The following RAP1GAP2 variants were observed in gnomAD, a reference collection of about 807,000 sequenced individuals.
The protein encoded by RAP1GAP2 is RAP1 GTPase activating protein 2, also known as rap1 GTPase-activating protein 2.
RAP1GAP2 carries 27 observed loss-of-function variants against 95.0 expected under a neutral mutation model. The observed-to-expected ratio is 0.28, with a 90% CI of 0.21 to 0.39. RAP1GAP2 has a LOEUF of 0.39. Ranked by LOEUF, RAP1GAP2 falls within the 10% of genes least tolerant of loss-of-function variation. The pLI, the probability that RAP1GAP2 is intolerant of heterozygous loss-of-function variation, is 1.00. For missense variants in RAP1GAP2, 771 were observed against 970.0 expected, an observed-to-expected ratio of 0.79 and a Z score of 2.72; for synonymous variants, 373 against 380.9, an observed-to-expected ratio of 0.98 and a Z score of 0.24.
At chr17:2,895,851 T>G (rs2151708020) in intron 2 of RAP1GAP2, among the ~76,000 whole-genome samples, 1 of 152,202 alleles carries the variant, frequency 6.6e-6, no homozygotes, top group South Asian at 2.1e-4. Context: ...GTGCTGGGAT[T>G]ACATCTGTGA....
intron 4 of RAP1GAP2, among the ~76,000 whole-genome samples, chr17:2,960,987 G>A (rs2044298203): frequency 6.6e-6 from 1 of 152,084 alleles, no homozygotes; most frequent in African/African-American, 2.4e-5. Context: ...AGGCTGAGGC[G>A]GGTGGATCAC....
At position 2,866,241 on chromosome 17, in the gene RAP1GAP2, C is replaced by T. The variant is rs552921465; in HGVS notation, c.81-39043C>T. On this transcript the variant is annotated intron_variant, in intron 2 of 24. Transcript: ENST00000254695. This position sits in a 1 kb window ranked among gnomAD's most constrained non-coding sequence, Gnocchi z 4.0. Reference sequence around the variant, plus strand: ...GGGCCAAGATAAAAAAACAGGGGCCCGCTCAGATCCCACCTTGGCTGTGGT... The same window carrying T: ...GGGCCAAGATAAAAAAACAGGGGCCTGCTCAGATCCCACCTTGGCTGTGGT... Among the ~76,000 whole-genome samples, 16 of 152,348 alleles carry T rather than the reference C, an allele frequency of 1.1e-4. No individual in the cohort carries two copies. In the East Asian group the frequency reaches 1.5e-3, roughly 15 times the overall value.
intron 3 of RAP1GAP2, among the ~76,000 whole-genome samples, chr17:2,946,295 A>G (rs945508950): frequency 5.9e-5 from 9 of 152,302 alleles, no homozygotes; most frequent in African/African-American, 1.9e-4. Context: ...AGGATGAGTT[A>G]GGAAGTGTTT....
upstream of RAP1GAP2, among the ~76,000 whole-genome samples, chr17:2,793,184 G>C (rs1018128806): frequency 6.9e-6 from 1 of 145,874 alleles, no homozygotes; most frequent in Non-Finnish European, 1.5e-5. Context: ...ATAGAGTTTC[G>C]CTCTTGTCGC....
upstream of RAP1GAP2, among the ~76,000 whole-genome samples, chr17:2,776,004 C>T (rs2151439616): frequency 6.6e-6 from 1 of 152,312 alleles, no homozygotes; most frequent in East Asian, 1.9e-4. Context: ...CATGGCGAAA[C>T]CCCGTCTCTA....
At chr17:3,009,823 G>A (rs2046456074) in intron 17 of RAP1GAP2, among the ~76,000 whole-genome samples, 2 of 152,170 alleles carry the variant, frequency 1.3e-5, no homozygotes, top group Non-Finnish European at 2.9e-5. Flanking sequence ...CAGAAGAAGA[G>A]GAACGGGAGG....
intron 11 of RAP1GAP2, among the ~76,000 whole-genome samples, chr17:2,990,628 T>C (rs753339708): frequency 1.6e-4 from 24 of 152,192 alleles, no homozygotes; most frequent in Non-Finnish European, 2.9e-4. Context: ...TGACTCTGCA[T>C]TTAGCCTTTT....
chr17:2,960,144 A>G (rs2044258727), intron 4 of RAP1GAP2, among the ~76,000 whole-genome samples: 1 of 149,270 alleles, frequency 6.7e-6, no homozygotes, highest in East Asian at 2.0e-4. Flanking sequence ...AAAAAAAACA[A>G]CAAAAAAAGA....
intron 2 of RAP1GAP2, among the ~76,000 whole-genome samples, chr17:2,845,797 G>C (rs2071560091): frequency 6.6e-6 from 1 of 151,944 alleles, no homozygotes; most frequent in Non-Finnish European, 1.5e-5. Context: ...GTAGGCGAAG[G>C]TTTTGGTGAG....
chr17:2,813,709 C>T (rs925922748), intron 2 of RAP1GAP2, among the ~76,000 whole-genome samples: 6 of 152,096 alleles, frequency 3.9e-5, no homozygotes, highest in African/African-American at 1.2e-4. Flanking sequence ...CAAATCCCAG[C>T]ACTTTGGGAG....
chr17:2,991,388 ATTTCAAAGGGTGGG>A lies in RAP1GAP2; in HGVS notation c.909_914+8del. The A allele has an allele frequency of 6.3e-7, 1 of 1,599,410 alleles. No homozygotes were observed. The highest frequency in any genetic ancestry group is 8.5e-7 in the Non-Finnish European group (1 of 1,172,814). On this transcript the variant is annotated splice_donor_variant and splice_donor_5th_base_variant and coding_sequence_variant and intron_variant, in exon 12 of 25. Coordinates refer to ENST00000254695, the MANE Select transcript of RAP1GAP2 (RefSeq NM_015085.5). LOFTEE classifies it high-confidence loss of function. ...CTGGGGGACACGATCACACTGCAGG[ATTTCAAAGGGTGGG>A]TTTTAGCCAAGTGACGGCTCCAGCT...
At chr17:2,779,640 G>A (rs1193272494) in intron 1 of RAP1GAP2, among the ~76,000 whole-genome samples, 1 of 152,114 alleles carries the variant, frequency 6.6e-6, no homozygotes, top group African/African-American at 2.4e-5. Flanking sequence ...GGCCAGCACT[G>A]GGCAGAGGAG....
In RAP1GAP2 at chr17:3,004,423, G is replaced by A. The variant is rs990601643; in HGVS notation, c.1201-946G>A. Among the ~76,000 whole-genome samples the A allele has an allele frequency of 1.3e-5, 2 of 152,242 alleles. No individual in the cohort carries two copies. The highest frequency in any genetic ancestry group is 2.9e-5 in the Non-Finnish European group (2 of 68,040). On this transcript the variant is annotated intron_variant, in intron 14 of 24. Transcript: ENST00000254695. This position sits in a 1 kb window ranked among gnomAD's most constrained non-coding sequence, Gnocchi z 4.1. ...CTGCATCTGCTCCACTTCACAGGCC[G>A]GGGAGGCTGGCAGCACGCCAGGGCT...
chr17:2,822,217 T>A (rs1425687920), intron 2 of RAP1GAP2, among the ~76,000 whole-genome samples: 1 of 152,202 alleles, frequency 6.6e-6, no homozygotes, highest in Admixed American at 6.5e-5. Flanking sequence ...CATTGAGACA[T>A]GACCACGCAG....
intron 2 of RAP1GAP2, among the ~76,000 whole-genome samples, chr17:2,844,317 G>C (rs1341300168): frequency 6.6e-6 from 1 of 152,212 alleles, no homozygotes; most frequent in Non-Finnish European, 1.5e-5. Flanking sequence ...ACTGCGCCCG[G>C]CCGGCCAGCG....
At chr17:2,954,126 A>G (rs929710759) in intron 3 of RAP1GAP2, among the ~76,000 whole-genome samples, 4 of 151,956 alleles carry the variant, frequency 2.6e-5, no homozygotes, top group Admixed American at 1.3e-4. Context: ...TTTTTTTGAG[A>G]TGGAGTCTCA....
intron 18 of RAP1GAP2, among the ~76,000 whole-genome samples, chr17:3,019,258 G>T (rs1293832608): frequency 6.6e-6 from 1 of 151,932 alleles, no homozygotes; most frequent in Non-Finnish European, 1.5e-5. Flanking sequence ...ATAAAGCAAA[G>T]TGGGCCGGGC....
At chr17:3,028,466 C>T (rs898045876) in intron 22 of RAP1GAP2, among the ~76,000 whole-genome samples, 2 of 152,098 alleles carry the variant, frequency 1.3e-5, no homozygotes, top group African/African-American at 4.8e-5. Context: ...AAATGACATT[C>T]GGTTGAAAAA....
rs577914546 is a variant in RAP1GAP2, at chr17:2,955,794, C to T, written c.166-1965C>T. 1.2e-4 allele frequency among the ~76,000 whole-genome samples: 18 copies of T among 152,128 alleles called. No individual in the cohort carries two copies. The South Asian group carries it at 2.5e-3, about 21-fold the overall frequency. ...TTTTCAGGGAATTTGTTCATTTTAT[C>T]GAAGTTATCTAATTTATTGACCTAT... On this transcript the variant is annotated intron_variant, in intron 3 of 24. Coordinates refer to ENST00000254695, the MANE Select transcript of RAP1GAP2 (RefSeq NM_015085.5).
Sources: allele counts gnomAD v4.1 joint callset (sites outside exome capture counted in the v4.1 genomes callset), GRCh38; gene constraint gnomAD v4.1.1; non-coding constraint Gnocchi (gnomAD v3.1); transcripts MANE v1.5; gene names NCBI Gene and HGNC (gene_info 2026-07-23, HGNC 2026-07-21).